Variants in RYK observed in about 807,000 individuals in gnomAD.
RYK encodes the protein receptor like tyrosine kinase, also known as inactive tyrosine-protein kinase RYK.
A neutral mutation model predicts 70.2 loss-of-function variants in RYK; 21 were observed. The ratio of observed to expected loss-of-function variants is 0.30; its 90% CI spans 0.21 to 0.43. The LOEUF (loss-of-function observed/expected upper bound fraction) is 0.43. Among genes scored for constraint, RYK ranks in the 20% least tolerant of loss-of-function variants. The pLI is 1.00. For missense variants in RYK, 604 were observed against 753.3 expected, an observed-to-expected ratio of 0.80 and a Z score of 2.32; for synonymous variants, 267 against 278.0, an observed-to-expected ratio of 0.96 and a Z score of 0.39.
intron 6 of RYK, among the ~76,000 whole-genome samples, chr3:134,196,052 C>G (rs2013801225): frequency 6.6e-6 from 1 of 152,126 alleles, no homozygotes; most frequent in Non-Finnish European, 1.5e-5. Context: ...TGGGAAATCT[C>G]TAGTACTTGA....
intron 13 of RYK, among the ~76,000 whole-genome samples, chr3:134,175,296 T>A (rs1212315268): frequency 6.6e-6 from 1 of 151,444 alleles, no homozygotes; most frequent in African/African-American, 2.4e-5. Context: ...TGAGCCAGGA[T>A]TGCGCCATTG....
At chr3:134,224,181 G>A (rs1275741997) in intron 1 of RYK, among the ~76,000 whole-genome samples, 2 of 152,168 alleles carry the variant, frequency 1.3e-5, no homozygotes, top group Admixed American at 1.3e-4. Context: ...GAGACCGGTA[G>A]TGGCCCTGAA....
In RYK at chr3:134,158,066, G is replaced by A. The variant is rs1211224147; in HGVS notation, c.*87C>T. On this transcript the variant is annotated 3_prime_UTR_variant, in exon 15 of 15. Coordinates refer to ENST00000623711, the MANE Select transcript of RYK (RefSeq NM_002958.4). Reference sequence around the variant, plus strand: ...GGAAGACAAATGTGCTTCTGTTGGCGTTGTGTTAGATACAAAGCATCCCTG... The same window carrying A: ...GGAAGACAAATGTGCTTCTGTTGGCATTGTGTTAGATACAAAGCATCCCTG... 3 of 562,282 alleles carry A rather than the reference G, an allele frequency of 5.3e-6. No individual in the cohort carries two copies. Among genetic ancestry groups the A allele is most frequent in the East Asian group, 3.4e-5 (1 of 29,516 alleles). 34.8% of individuals were successfully genotyped at this position (562,282 alleles called of 1,614,324 possible). A position where few individuals can be genotyped will look rare whatever the true frequency, so the allele number is the denominator to read the frequency against.
chr3:134,167,808 G>A (rs1364177123), intron 13 of RYK, among the ~76,000 whole-genome samples: 15 of 152,262 alleles, frequency 9.9e-5, no homozygotes, highest in South Asian at 4.1e-4. Context: ...TCTGCACAGC[G>A]AAAGAAGCTA....
intron 4 of RYK, among the ~76,000 whole-genome samples, chr3:134,208,928 C>G (rs975512993): frequency 1.3e-5 from 2 of 151,972 alleles, no homozygotes; most frequent in South Asian, 2.1e-4. Context: ...GTATATTTCC[C>G]CCCCCCATCT....
chr3:134,174,207 T>C (rs1447292155), intron 13 of RYK, among the ~76,000 whole-genome samples: 1 of 152,174 alleles, frequency 6.6e-6, no homozygotes, highest in East Asian at 1.9e-4. Context: ...CTAGAGCCTC[T>C]GGAAGGAGCC....
At chr3:134,197,760 G>T (rs930543338) in intron 6 of RYK, among the ~76,000 whole-genome samples, 4 of 152,186 alleles carry the variant, frequency 2.6e-5, no homozygotes, top group African/African-American at 9.7e-5. Context: ...GGCTCAAATT[G>T]TATGAGATAT....
intron 9 of RYK, among the ~76,000 whole-genome samples, chr3:134,185,283 T>A (rs1469323804): frequency 6.6e-6 from 1 of 152,198 alleles, no homozygotes; most frequent in Non-Finnish European, 1.5e-5. Flanking sequence ...CCCACCCCAC[T>A]GAATTCAGAT....
At chr3:134,250,112 G>GT (rs763698791) in intron 1 of RYK, among the ~76,000 whole-genome samples, 15 of 152,018 alleles carry the variant, frequency 9.9e-5, no homozygotes, top group Non-Finnish European at 1.9e-4. Context: ...AAAAAAAGTT[G>GT]TAAGGGTGAC....
intron 2 of RYK, among the ~76,000 whole-genome samples, chr3:134,217,542 G>C (rs2014597794): frequency 6.6e-6 from 1 of 152,142 alleles, no homozygotes; most frequent in South Asian, 2.1e-4. Flanking sequence ...CATTTGAAGG[G>C]GGAAAAAGTA....
At chr3:134,199,997 G>C (rs1267108504) in intron 6 of RYK, among the ~76,000 whole-genome samples, 123 of 15,944 alleles carry the variant, frequency 7.7e-3, no homozygotes, top group African/African-American at 0.014. Context: ...TGTAAAAACA[G>C]ACCAATCAGC....
At chr3:134,246,375 TA>T (rs35031038) in intron 1 of RYK, among the ~76,000 whole-genome samples, 54 of 109,838 alleles carry the variant, frequency 4.9e-4, no homozygotes, top group South Asian at 6.4e-4. Flanking sequence ...TGGGAATTAT[TA>T]AAAAAAAAAA....
At chr3:134,183,531 C>CAAAT (rs1332951285) in intron 9 of RYK, 2 of 152,190 alleles carry the variant, frequency 1.3e-5, no homozygotes, top group Non-Finnish European at 2.9e-5. Flanking sequence ...GATGCCATTT[C>CAAAT]CCCTGTCAAA....
At chr3:134,246,504 A>G (rs2015472574) in intron 1 of RYK, among the ~76,000 whole-genome samples, 1 of 152,076 alleles carries the variant, frequency 6.6e-6, no homozygotes, top group Non-Finnish European at 1.5e-5. Flanking sequence ...AAAAACTTAT[A>G]AAACTTCAGA....
chr3:134,203,484 C>CA, intron 5 of RYK, among the ~76,000 whole-genome samples: 1 of 152,122 alleles, frequency 6.6e-6, no homozygotes, highest in East Asian at 1.9e-4. Context: ...ATAATTTCTT[C>CA]AATAAATAAA....
Position 134,177,975 on chromosome 3 carries a change from C to T in RYK, c.1271G>A (p.Arg424Gln), listed in dbSNP as rs747240194. The T allele has an allele frequency of 8.7e-6, 14 of 1,612,888 alleles. No homozygotes were observed. The highest frequency in any genetic ancestry group is 6.7e-5 in the East Asian group (3 of 44,800). The change falls in exon 11 of 15, where the codon CGA becomes CAA. Residue 424 changes from arginine to glutamine, a missense_variant. This residue lies in a region of RYK where 466 missense variants were observed against 535.9 expected (regional missense o/e 0.87). Transcript: ENST00000623711. Reference protein sequence around the residue: ...MNWGNLKLFLRQCKLVEANNP... With the variant: ...MNWGNLKLFLQQCKLVEANNP... ...ATTGGCCTCTACTAACTTGCACTGT[C>T]GTAAAAACAATTTAAGATTCCCCCA... is the stretch of plus-strand genomic sequence containing the variant.
chr3:134,193,730 T>A (rs1375376331), intron 7 of RYK, among the ~76,000 whole-genome samples: 1 of 152,224 alleles, frequency 6.6e-6, no homozygotes, highest in Non-Finnish European at 1.5e-5. Context: ...TTAAATTTTG[T>A]TTACTGTATA....
chr3:134,176,965 G>A (rs796653961), intron 11 of RYK, among the ~76,000 whole-genome samples: 7 of 152,096 alleles, frequency 4.6e-5, no homozygotes, highest in African/African-American at 1.4e-4. Flanking sequence ...GGAGAACGGC[G>A]TGAACCTGGG....
rs1488999289 is a variant in RYK, at chr3:134,250,546, G to A, written c.109C>T (p.Pro37Ser). 34 of 1,136,370 alleles carry A rather than the reference G, an allele frequency of 3.0e-5. No individual in the cohort carries two copies. Among genetic ancestry groups the A allele is most frequent in the Non-Finnish European group, 3.7e-5 (34 of 909,572 alleles). The allele number at this position is 1,136,370 out of a possible 1,614,324, so 70.4% of individuals were successfully genotyped here. ...GCAGCGCCAGGCGCGGGCAGCAGCG[G>A]CAACAGCGCAAGCAGAAGCAGCAGC... ...PPLLLLLALL[P>S]LLPAPGAAAA... The change falls in exon 1 of 15, where the codon CCG (proline) becomes TCG (serine). Residue 37 changes from proline to serine, a missense_variant. Coordinates refer to ENST00000623711, the MANE Select transcript of RYK (RefSeq NM_002958.4).
Sources: allele counts gnomAD v4.1 joint callset (sites outside exome capture counted in the v4.1 genomes callset), GRCh38; gene constraint gnomAD v4.1.1; regional missense constraint gnomAD v4.1.1; transcripts MANE v1.5; gene names NCBI Gene and HGNC (gene_info 2026-07-23, HGNC 2026-07-21).